LPP: variants seen among roughly 807,000 people sequenced by gnomAD.
The protein encoded by LPP is LIM domain containing preferred translocation partner in lipoma, also known as lipoma-preferred partner.
LPP carries 38 observed loss-of-function variants against 60.4 expected under a neutral mutation model. That is an observed-to-expected ratio of 0.63 (90% CI 0.49 to 0.83). LPP has a LOEUF of 0.83. Ranked by LOEUF, LPP falls within the 40% of genes least tolerant of loss-of-function variation. LPP has a pLI of 0.00. For synonymous variants in LPP, 328 were observed against 290.8 expected (o/e 1.13, Z -1.30); for missense variants, 902 against 783.6 (o/e 1.15, Z -1.80).
chr3:188,832,103 T>C (rs536080713), intron 9 of LPP, among the ~76,000 whole-genome samples: 1 of 152,314 alleles, frequency 6.6e-6, no homozygotes, highest in South Asian at 2.1e-4. Flanking sequence ...CTCTGTGTAA[T>C]ACCTCTCCTT....
At chr3:188,750,564 C>T (rs1159877620) in intron 8 of LPP, among the ~76,000 whole-genome samples, 1 of 152,068 alleles carries the variant, frequency 6.6e-6, no homozygotes, top group Non-Finnish European at 1.5e-5. Flanking sequence ...ACCTGGGAGG[C>T]AGAGGTTGCA....
At chr3:188,816,945 G>T (rs1321794352) in intron 9 of LPP, among the ~76,000 whole-genome samples, 1 of 152,160 alleles carries the variant, frequency 6.6e-6, no homozygotes, top group Non-Finnish European at 1.5e-5. Flanking sequence ...AAGAAAAGCT[G>T]CTTTTGACCT....
intron 2 of LPP, among the ~76,000 whole-genome samples, chr3:188,230,593 G>A (rs531056558): frequency 6.6e-6 from 1 of 152,084 alleles, no homozygotes; most frequent in Admixed American, 6.6e-5. Context: ...AGACCAGACT[G>A]ACCAAAATGG....
chr3:188,617,910 T>A (rs911334788), intron 7 of LPP, among the ~76,000 whole-genome samples: 2 of 152,224 alleles, frequency 1.3e-5, no homozygotes, highest in Non-Finnish European at 2.9e-5. Flanking sequence ...ATATATTCCT[T>A]TGGGAATCTC....
At chr3:188,754,568 C>G (rs941102213) in intron 8 of LPP, among the ~76,000 whole-genome samples, 1 of 152,132 alleles carries the variant, frequency 6.6e-6, no homozygotes, top group African/African-American at 2.4e-5. Flanking sequence ...AACATAGAAT[C>G]ACCTGGAGAG....
In LPP at chr3:188,708,368, A is replaced by G; in HGVS notation, c.1215A>G (p.Glu405=). 6.2e-7 allele frequency: 1 copy of G among 1,614,190 alleles called. No individual in the cohort carries two copies. The highest frequency in any genetic ancestry group is 8.5e-7 in the Non-Finnish European group (1 of 1,180,014). ...HLTKKMLYDM[E]NPPADEYFGR... ...CCAAAAAGATGCTGTATGACATGGAAAATCCACCTGCTGACGAATACTTTG... is the reference window on the plus strand; with the variant it reads ...CCAAAAAGATGCTGTATGACATGGAGAATCCACCTGCTGACGAATACTTTG... Residue 405 remains glutamate (E), a synonymous_variant, in exon 8 of 12, where the codon GAA becomes GAG. Transcript: ENST00000617246.
chr3:188,833,378 A>T (rs575118912), intron 9 of LPP, among the ~76,000 whole-genome samples: 1 of 152,350 alleles, frequency 6.6e-6, no homozygotes, highest in African/African-American at 2.4e-5. Context: ...CATCAAACTT[A>T]GTTGCTAATT....
At chr3:188,177,589 G>A (rs1056467630) in intron 1 of LPP, among the ~76,000 whole-genome samples, 14 of 152,096 alleles carry the variant, frequency 9.2e-5, no homozygotes, top group African/African-American at 3.4e-4. Flanking sequence ...AGGAGTTGGA[G>A]GATCCCTGGG....
intron 4 of LPP, among the ~76,000 whole-genome samples, chr3:188,463,585 C>T (rs1799654303): frequency 6.6e-6 from 1 of 152,080 alleles, no homozygotes; most frequent in Admixed American, 6.6e-5. Flanking sequence ...CCCATCTTTG[C>T]AATATCTTCA....
chr3:188,314,339 CT>C (rs543346618), intron 2 of LPP, among the ~76,000 whole-genome samples: 31 of 145,912 alleles, frequency 2.1e-4, no homozygotes, highest in Middle Eastern at 3.5e-3. Context: ...GGTTATCTAG[CT>C]TTTTTTTTTA....
chr3:188,511,415 T>C (rs1363252170), intron 5 of LPP, among the ~76,000 whole-genome samples: 1 of 148,002 alleles, frequency 6.8e-6, no homozygotes, highest in Non-Finnish European at 1.5e-5. Flanking sequence ...GAATGAAACC[T>C]ATCCTAAATG....
rs201442488 is a variant in LPP, at chr3:188,563,714, TTG to T, written c.429+38931_429+38932del. Among the ~76,000 whole-genome samples, 35 of 113,120 alleles carry T rather than the reference TTG, an allele frequency of 3.1e-4. No homozygotes were observed. In the East Asian group the frequency reaches 4.6e-3, roughly 15 times the overall value. 74.2% of individuals were successfully genotyped at this position (113,120 alleles called of 152,430 possible). A position where few individuals can be genotyped will look rare whatever the true frequency, so the allele number is the denominator to read the frequency against. On this transcript the variant is annotated intron_variant, in intron 6 of 11. Coordinates refer to ENST00000617246, the MANE Select transcript of LPP (RefSeq NM_001375462.1). ...CATGTGAATCCAGAATTGGAATTGC[TTG>T]TGTTTTTTTTTGTTTTTTTTTTGTT...
chr3:188,803,034 T>C (rs918691042), intron 9 of LPP, among the ~76,000 whole-genome samples: 1 of 148,770 alleles, frequency 6.7e-6, no homozygotes, highest in African/African-American at 2.5e-5. Context: ...AAAATACTTT[T>C]GTTGTATATG....
At chr3:188,364,514 G>C (rs1560300745) in intron 3 of LPP, among the ~76,000 whole-genome samples, 1 of 152,194 alleles carries the variant, frequency 6.6e-6, no homozygotes, top group Non-Finnish European at 1.5e-5. Context: ...AGATAGACAT[G>C]CAAAAACACT....
At chr3:188,619,503 G>A (rs1301933780) in intron 7 of LPP, among the ~76,000 whole-genome samples, 1 of 152,144 alleles carries the variant, frequency 6.6e-6, no homozygotes, top group Non-Finnish European at 1.5e-5. Context: ...GCACACAACA[G>A]CCTGTGGGCC....
chr3:188,183,917 C>T (rs1725836237), intron 1 of LPP, among the ~76,000 whole-genome samples: 1 of 152,050 alleles, frequency 6.6e-6, no homozygotes, highest in Non-Finnish European at 1.5e-5. Flanking sequence ...GGAATTTAAG[C>T]AAAAAGCCCA....
chr3:188,732,716 CAAAA>C (rs1167795146), intron 8 of LPP, among the ~76,000 whole-genome samples: 4 of 74,352 alleles, frequency 5.4e-5, no homozygotes, highest in Non-Finnish European at 9.6e-5. Context: ...AGACTCTTAT[CAAAA>C]AAAAAAAAAA....
intron 9 of LPP, among the ~76,000 whole-genome samples, chr3:188,797,135 C>CTCCTCCTCCTCT (rs1175438782): frequency 1.3e-5 from 2 of 151,988 alleles, no homozygotes; most frequent in East Asian, 1.9e-4. Context: ...CCTCCTCCTC[C>CTCCTCCTCCTCT]TCCTCTTCCT....
rs75369843 is a variant in LPP, at chr3:188,872,930, T to C, written c.1710+167T>C. The stretch of plus-strand genomic sequence containing the variant: ...CACTAGTATTCCGAGCACATGCTGT[T>C]GAATAAGTCACTGTACCTCTCTCAG... On this transcript the variant is annotated intron_variant, in intron 11 of 11. Coordinates refer to ENST00000617246, the MANE Select transcript of LPP (RefSeq NM_001375462.1). Among the ~76,000 whole-genome samples the C allele has an allele frequency of 3.3e-3, 510 of 152,296 alleles. 1 individual carries two copies. Among genetic ancestry groups the C allele is most frequent in the African/African-American group, 0.012 (483 of 41,556 alleles).
Sources: allele counts gnomAD v4.1 joint callset (sites outside exome capture counted in the v4.1 genomes callset), GRCh38; gene constraint gnomAD v4.1.1; transcripts MANE v1.5; gene names NCBI Gene and HGNC (gene_info 2026-07-23, HGNC 2026-07-21).